Variants in RIGI observed in about 807,000 individuals in gnomAD.
RIGI encodes the protein RNA sensor RIG-I.
chr9:32,462,251 A>G, the RIGI span, among the ~76,000 whole-genome samples: 10 of 152,236 alleles, frequency 6.6e-5, no homozygotes, highest in African/African-American at 1.9e-4. Flanking sequence ...TCAGTGTTCT[A>G]CATGCATGAG....
At chr9:32,501,972 A>G in the RIGI span, among the ~76,000 whole-genome samples, 1 of 152,160 alleles carries the variant, frequency 6.6e-6, no homozygotes, top group African/African-American at 2.4e-5. Flanking sequence ...ATTTTAGTAC[A>G]TTTTCATCAC....
the RIGI span, chr9:32,456,903 T>C: frequency 2.0e-6 from 1 of 497,904 alleles, no homozygotes; most frequent in African/African-American, 1.9e-5. Flanking sequence ...CTTTTTAATT[T>C]TTCCCAAGTA....
At chr9:32,476,856 A>T in the RIGI span, 3 of 817,414 alleles carry the variant, frequency 3.7e-6, no homozygotes, top group Non-Finnish European at 5.6e-6. Flanking sequence ...TCTTGGCCCC[A>T]AGCAATTCTC....
At chr9:32,471,487 G>C in the RIGI span, among the ~76,000 whole-genome samples, 1 of 152,054 alleles carries the variant, frequency 6.6e-6, no homozygotes, top group African/African-American at 2.4e-5. Flanking sequence ...TGATTAAAAG[G>C]TCCATTTTTA....
chr9:32,473,563 G>C, the RIGI span, among the ~76,000 whole-genome samples: 1 of 151,990 alleles, frequency 6.6e-6, no homozygotes, highest in South Asian at 2.1e-4. Flanking sequence ...GGGATTACAG[G>C]CATGAGCCAC....
At chr9:32,455,417 TGA>T in the RIGI span, among the ~76,000 whole-genome samples, 2 of 151,880 alleles carry the variant, frequency 1.3e-5, no homozygotes, top group African/African-American at 4.8e-5. Context: ...TGGCAGCAGA[TGA>T]GAGAGAGAGT....
chr9:32,495,933 CTATT>C, the RIGI span, among the ~76,000 whole-genome samples: 1 of 152,072 alleles, frequency 6.6e-6, no homozygotes, highest in Admixed American at 6.6e-5. Flanking sequence ...CTGGGATTGC[CTATT>C]TTTTAATTTG....
the RIGI span, among the ~76,000 whole-genome samples, chr9:32,489,661 GAA>G: frequency 5.7e-3 from 779 of 136,544 alleles, 6 homozygotes; most frequent in African/African-American, 0.02. Context: ...TGGCAAGAAA[GAA>G]AAAAAAAAAA....
the RIGI span, chr9:32,501,000 A>G: frequency 6.3e-7 from 1 of 1,584,454 alleles, no homozygotes; most frequent in Non-Finnish European, 8.6e-7. Context: ...TAGAAGAAAA[A>G]CCAGAAAAGG....
At chr9:32,472,436 C>T in the RIGI span, among the ~76,000 whole-genome samples, 2 of 152,238 alleles carry the variant, frequency 1.3e-5, no homozygotes, top group Non-Finnish European at 2.9e-5. Context: ...GGCCAAACAA[C>T]AGTTCCCAGT....
At chr9:32,478,615 A>C in the RIGI span, among the ~76,000 whole-genome samples, 2 of 152,186 alleles carry the variant, frequency 1.3e-5, no homozygotes, top group Non-Finnish European at 2.9e-5. Context: ...GCTGGGGTCC[A>C]GTGGTGCAAT....
At chr9:32,521,267 T>C in the RIGI span, among the ~76,000 whole-genome samples, 4 of 151,998 alleles carry the variant, frequency 2.6e-5, no homozygotes, top group African/African-American at 9.7e-5. Flanking sequence ...AAGGTAAAAT[T>C]TGATGTTCTC....
the RIGI span, chr9:32,457,334 A>T: frequency 6.2e-7 from 1 of 1,614,068 alleles, no homozygotes; most frequent in East Asian, 2.2e-5. Context: ...CTTTTTTCAA[A>T]ACTTGAAAAC....
the RIGI span, among the ~76,000 whole-genome samples, chr9:32,522,802 A>C: frequency 0.018 from 2,786 of 152,314 alleles, 88 homozygotes; most frequent in African/African-American, 0.063. Flanking sequence ...CCCATGATCC[A>C]GGAATTGATA....
At chr9:32,459,405 A>C in the RIGI span, 1 of 1,613,874 alleles carries the variant, frequency 6.2e-7, no homozygotes, top group Non-Finnish European at 8.5e-7. Flanking sequence ...GTAACATGCC[A>C]AGGCTTTGCA....
At chr9:32,514,102 C>G in the RIGI span, among the ~76,000 whole-genome samples, 54 of 152,256 alleles carry the variant, frequency 3.5e-4, no homozygotes, top group Non-Finnish European at 6.0e-4. Flanking sequence ...TGTGGAGAAA[C>G]AGGAACGCTT....
the RIGI span, among the ~76,000 whole-genome samples, chr9:32,491,018 A>T: frequency 6.6e-6 from 1 of 152,210 alleles, no homozygotes; most frequent in African/African-American, 2.4e-5. Flanking sequence ...GGTTTTGGTG[A>T]AGACTCTATT....
chr9:32,493,678 C>G, the RIGI span: 2 of 877,394 alleles, frequency 2.3e-6, no homozygotes, highest in South Asian at 4.5e-5. Flanking sequence ...TGATCTTTCT[C>G]AGGTCTAAAA....
At chr9:32,464,556 AT>A in the RIGI span, among the ~76,000 whole-genome samples, 1 of 151,868 alleles carries the variant, frequency 6.6e-6, no homozygotes, top group African/African-American at 2.4e-5. Context: ...CGCCTGGCTA[AT>A]TTTTTGTATT....
Sources: gnomAD v4.1 joint callset for allele counts (sites outside exome capture counted in the v4.1 genomes callset) on GRCh38, gnomAD v4.1.1 for gene constraint, MANE v1.5 for transcripts, NCBI Gene and HGNC (gene_info 2026-07-23, HGNC 2026-07-21) for gene names.